Variants in EPC2 observed in about 807,000 individuals in gnomAD.
EPC2 encodes enhancer of polycomb homolog 2.
In EPC2, 14 loss-of-function variants were observed where a neutral mutation model predicts 92.1. The ratio of observed to expected loss-of-function variants is 0.15; its 90% CI spans 0.10 to 0.24. The LOEUF is 0.24. EPC2 is among the 10% of genes least tolerant of loss of function. EPC2 has a pLI of 1.00. For synonymous variants in EPC2, 340 were observed against 334.7 expected (o/e 1.02, Z -0.17); for missense variants, 755 against 971.5 (o/e 0.78, Z 2.96).
chr2:148,704,316 C>T (rs1163909149), intron 2 of EPC2, among the ~76,000 whole-genome samples: 3 of 152,068 alleles, frequency 2.0e-5, no homozygotes, highest in African/African-American at 7.2e-5. Context: ...TAATCAGAAT[C>T]ATAGAGACAG....
intron 1 of EPC2, among the ~76,000 whole-genome samples, chr2:148,652,507 G>A (rs1293197611): frequency 2.0e-5 from 3 of 152,056 alleles, no homozygotes; most frequent in East Asian, 3.8e-4. Context: ...TTGTTTGACC[G>A]CGTAGAAATT....
chr2:148,646,483 A>C (rs776382904), intron 1 of EPC2, among the ~76,000 whole-genome samples: 3 of 152,172 alleles, frequency 2.0e-5, no homozygotes, highest in Non-Finnish European at 1.5e-5. Context: ...AGATATATAT[A>C]CACGCACATA....
chr2:148,758,394 A>T (rs190975328), intron 4 of EPC2, among the ~76,000 whole-genome samples: 18 of 151,930 alleles, frequency 1.2e-4, no homozygotes, highest in South Asian at 6.3e-4. Context: ...CTTGTTAATT[A>T]ATTAATTTAT....
chr2:148,724,108 C>G (rs898535951), intron 2 of EPC2, among the ~76,000 whole-genome samples: 1 of 152,010 alleles, frequency 6.6e-6, no homozygotes, highest in South Asian at 2.1e-4. Context: ...AATTTATAAT[C>G]TTATTCTGAA....
intron 2 of EPC2, among the ~76,000 whole-genome samples, chr2:148,719,441 C>T (rs1028762216): frequency 1.3e-5 from 2 of 151,872 alleles, no homozygotes; most frequent in South Asian, 2.1e-4. Context: ...TCTTTGTTGT[C>T]GTTTTCTGTT....
chr2:148,784,680 C>CATT lies in EPC2; in HGVS notation c.2033_2035dup (p.Leu678dup). On this transcript the variant is annotated inframe_insertion, in exon 13 of 14. Transcript: ENST00000258484. ...CTTTCTTTTTCAGGAACCTCTAAAA[C>CATT]ATTATACTCCACCAATATGGCTTTA... 4 of 1,605,430 alleles carry CATT rather than the reference C, an allele frequency of 2.5e-6. No individual in the cohort carries two copies. The highest frequency in any genetic ancestry group is 3.4e-6 in the Non-Finnish European group (4 of 1,175,792).
intron 2 of EPC2, among the ~76,000 whole-genome samples, chr2:148,718,112 C>T (rs1330403187): frequency 6.6e-6 from 1 of 152,142 alleles, no homozygotes; most frequent in East Asian, 1.9e-4. Context: ...TCTTCAGTCT[C>T]TTTATTTTGA....
At chr2:148,744,893 T>C (rs1013506047) in intron 3 of EPC2, among the ~76,000 whole-genome samples, 7 of 148,296 alleles carry the variant, frequency 4.7e-5, no homozygotes, top group African/African-American at 1.7e-4. Flanking sequence ...TATTTTACCC[T>C]ACAACTTAAA....
intron 1 of EPC2, among the ~76,000 whole-genome samples, chr2:148,668,826 T>G (rs1681102085): frequency 6.6e-6 from 1 of 152,166 alleles, no homozygotes; most frequent in Non-Finnish European, 1.5e-5. Flanking sequence ...TGAATTTTCT[T>G]AAAGAATTAG....
chr2:148,669,159 A>G (rs569182428), intron 1 of EPC2, among the ~76,000 whole-genome samples: 113 of 152,260 alleles, frequency 7.4e-4, no homozygotes, highest in African/African-American at 2.4e-3. Context: ...TGGTGTTTCA[A>G]CCATTTACAT....
intron 1 of EPC2, among the ~76,000 whole-genome samples, chr2:148,663,689 T>A (rs1680996187): frequency 7.5e-6 from 1 of 132,856 alleles, no homozygotes; most frequent in South Asian, 2.5e-4. Context: ...ATAGCAGTAG[T>A]CCCCAACCTT....
intron 2 of EPC2, among the ~76,000 whole-genome samples, chr2:148,706,616 A>G (rs923848017): frequency 3.9e-5 from 6 of 152,230 alleles, no homozygotes; most frequent in African/African-American, 1.4e-4. Flanking sequence ...GGTTACTCAC[A>G]AAGAGAAGCC....
At chr2:148,718,899 T>C (rs1216620993) in intron 2 of EPC2, among the ~76,000 whole-genome samples, 1 of 152,190 alleles carries the variant, frequency 6.6e-6, no homozygotes, top group Non-Finnish European at 1.5e-5. Context: ...TCAGTCTGTT[T>C]ACATAATCCC....
rs1209080565 is a variant in EPC2, at chr2:148,787,341, T to C, written c.*964T>C. The C allele has an allele frequency of 2.4e-4, 36 of 152,586 alleles. No homozygotes were observed. The highest frequency in any genetic ancestry group is 2.4e-3 in the Admixed American group (36 of 15,268). 9.5% of individuals were successfully genotyped at this position (152,586 alleles called of 1,614,324 possible). ...ATTGTCTTTTCAATTTTGGAGAGTTTTCCTGTGGCTACAAGGCAAGTAACG... is the reference window on the plus strand; with the variant it reads ...ATTGTCTTTTCAATTTTGGAGAGTTCTCCTGTGGCTACAAGGCAAGTAACG... On this transcript the variant is annotated 3_prime_UTR_variant, in exon 14 of 14. Transcript: ENST00000258484.
chr2:148,651,696 C>T (rs1182204401), intron 1 of EPC2, among the ~76,000 whole-genome samples: 1 of 152,164 alleles, frequency 6.6e-6, no homozygotes, highest in Admixed American at 6.5e-5. Flanking sequence ...CTTAGCTTTT[C>T]TGAGCCTCAG....
intron 1 of EPC2, among the ~76,000 whole-genome samples, chr2:148,652,621 C>T (rs16829127): frequency 0.15 from 22,274 of 152,066 alleles, 2,455 homozygotes; most frequent in East Asian, 0.46. Context: ...CCTCTGAAAC[C>T]GCATGTCTAT....
intron 2 of EPC2, among the ~76,000 whole-genome samples, chr2:148,698,991 A>G (rs1166982658): frequency 6.6e-6 from 1 of 152,066 alleles, no homozygotes; most frequent in Admixed American, 6.6e-5. Flanking sequence ...AATTAGTTTT[A>G]TATCCTTCCG....
chr2:148,699,289 C>T (rs1681826389), intron 2 of EPC2, among the ~76,000 whole-genome samples: 1 of 152,186 alleles, frequency 6.6e-6, no homozygotes, highest in South Asian at 2.1e-4. Flanking sequence ...ACATTTCTTA[C>T]AGCTAATGAT....
intron 2 of EPC2, among the ~76,000 whole-genome samples, chr2:148,699,817 A>C (rs926676030): frequency 1.4e-4 from 21 of 152,206 alleles, no homozygotes; most frequent in African/African-American, 5.1e-4. Flanking sequence ...CTGCATGCCA[A>C]AGTGGCTGTA....
Sources: allele counts gnomAD v4.1 joint callset (sites outside exome capture counted in the v4.1 genomes callset), GRCh38; gene constraint gnomAD v4.1.1; transcripts MANE v1.5; gene names NCBI Gene and HGNC (gene_info 2026-07-23, HGNC 2026-07-21).